Variants in CCDC171 observed in about 807,000 individuals in gnomAD.
CCDC171 encodes the protein coiled-coil domain-containing protein 171.
A neutral mutation model predicts 168.2 loss-of-function variants in CCDC171; 177 were observed. That is an observed-to-expected ratio of 1.05 (90% CI 0.93 to 1.19). The LOEUF (loss-of-function observed/expected upper bound fraction) is 1.19. Among genes scored for constraint, CCDC171 ranks in the 50% most tolerant of loss-of-function variants. The pLI is 0.00. For missense variants in CCDC171, 1,991 were observed against 1,539.0 expected, an observed-to-expected ratio of 1.29 and a Z score of -4.91; for synonymous variants, 687 against 540.8, an observed-to-expected ratio of 1.27 and a Z score of -3.75.
At chr9:15,951,627 T>C (rs1042052529) in intron 25 of CCDC171, among the ~76,000 whole-genome samples, 1 of 152,156 alleles carries the variant, frequency 6.6e-6, no homozygotes, top group Non-Finnish European at 1.5e-5. Flanking sequence ...TGATTAGTGA[T>C]GTTGAGCATC....
the CCDC171 span, among the ~76,000 whole-genome samples, chr9:16,098,491 C>T: frequency 1.3e-5 from 2 of 152,220 alleles, no homozygotes; most frequent in African/African-American, 4.8e-5. Context: ...CTTTGGTCCA[C>T]ACTCTTGAGT....
chr9:16,106,779 G>T, the CCDC171 span, among the ~76,000 whole-genome samples: 1 of 152,094 alleles, frequency 6.6e-6, no homozygotes, highest in Non-Finnish European at 1.5e-5. Context: ...AAATGCTAGA[G>T]AATTTAATCT....
At chr9:15,665,677 A>G (rs1442666756) in intron 8 of CCDC171, among the ~76,000 whole-genome samples, 2 of 152,180 alleles carry the variant, frequency 1.3e-5, no homozygotes, top group African/African-American at 4.8e-5. Flanking sequence ...GCTACTTGAG[A>G]AGCTGAGGTG....
chr9:15,905,128 AC>A (rs2131704640), intron 24 of CCDC171, among the ~76,000 whole-genome samples: 1 of 152,378 alleles, frequency 6.6e-6, no homozygotes, highest in African/African-American at 2.4e-5. Context: ...CAGAAAGTTA[AC>A]AAAGATATCC....
chr9:15,571,656 T>C lies in CCDC171; in HGVS notation c.74T>C (p.Ile25Thr). ...ATTGCCTCATTGGATGTAAAACAAA[T>C]ACTTAAAAATGAAACAGAGTTGGAT... ...LKIASLDVKQ[I>T]LKNETELDIT... The change falls in exon 3 of 26, where the codon ATA becomes ACA. Residue 25 changes from isoleucine (I) to threonine (T), a missense_variant. Coordinates refer to ENST00000380701, the MANE Select transcript of CCDC171 (RefSeq NM_173550.4). 34 of 1,567,870 alleles carry C rather than the reference T, an allele frequency of 2.2e-5. No homozygotes were observed. Among genetic ancestry groups the C allele is most frequent in the Non-Finnish European group, 2.9e-5 (34 of 1,164,420 alleles).
At chr9:15,620,897 A>G (rs2044449757) in intron 6 of CCDC171, among the ~76,000 whole-genome samples, 1 of 152,184 alleles carries the variant, frequency 6.6e-6, no homozygotes, top group African/African-American at 2.4e-5. Flanking sequence ...TTCCACCATT[A>G]AAGATGATGA....
chr9:15,675,155 C>G (rs929452450), intron 9 of CCDC171, among the ~76,000 whole-genome samples: 1 of 126,870 alleles, frequency 7.9e-6, no homozygotes, highest in African/African-American at 2.9e-5. Context: ...AGTTTAAAGT[C>G]TGTTTTATCA....
intron 25 of CCDC171, among the ~76,000 whole-genome samples, chr9:15,947,682 T>G (rs918015562): frequency 2.0e-5 from 3 of 152,048 alleles, no homozygotes. Context: ...TATACAAATA[T>G]CTCTTCAAGA....
At chr9:15,583,198 C>T (rs1413042504) in intron 4 of CCDC171, among the ~76,000 whole-genome samples, 1 of 151,898 alleles carries the variant, frequency 6.6e-6, no homozygotes, top group Non-Finnish European at 1.5e-5. Context: ...GGGCAGATCA[C>T]CAGGTCAAGA....
At chr9:15,565,281 A>T (rs2039643076) in intron 2 of CCDC171, among the ~76,000 whole-genome samples, 1 of 152,044 alleles carries the variant, frequency 6.6e-6, no homozygotes, top group African/African-American at 2.4e-5. Flanking sequence ...TACAAATTAG[A>T]ATATTTCACC....
At chr9:16,080,197 A>G in the CCDC171 span, among the ~76,000 whole-genome samples, 5 of 152,186 alleles carry the variant, frequency 3.3e-5, no homozygotes, top group African/African-American at 9.7e-5. Context: ...CAACATCACT[A>G]TTAATTACCT....
chr9:15,974,874 T>G (rs996940755), downstream of CCDC171, among the ~76,000 whole-genome samples: 1 of 152,170 alleles, frequency 6.6e-6, no homozygotes, highest in African/African-American at 2.4e-5. Flanking sequence ...CATTTACCAG[T>G]TGTCTGAATT....
Position 15,747,747 on chromosome 9 carries a change from A to G in CCDC171, c.2671+2116A>G, listed in dbSNP as rs562463891. Among the ~76,000 whole-genome samples, 25 of 152,348 alleles carry G rather than the reference A, an allele frequency of 1.6e-4. No individual in the cohort carries two copies. The South Asian group carries it at 5.2e-3, about 32-fold the overall frequency. On this transcript the variant is annotated intron_variant, in intron 18 of 25. Coordinates refer to ENST00000380701, the MANE Select transcript of CCDC171 (RefSeq NM_173550.4). ...CACACCAAAACCTCATCTGTAAGTC[A>G]CCAACATCAAAGACCAAAGATAGAT...
chr9:15,960,174 T>C (rs1275908751), intron 25 of CCDC171, among the ~76,000 whole-genome samples: 1 of 152,192 alleles, frequency 6.6e-6, no homozygotes, highest in East Asian at 1.9e-4. Context: ...ATCAAAGCTT[T>C]TCCTATAAAA....
At chr9:15,950,706 C>T (rs1193594252) in intron 25 of CCDC171, among the ~76,000 whole-genome samples, 1 of 151,942 alleles carries the variant, frequency 6.6e-6, no homozygotes, top group Non-Finnish European at 1.5e-5. Flanking sequence ...TAGGAAGACA[C>T]TGCATGAACT....
intron 6 of CCDC171, among the ~76,000 whole-genome samples, chr9:16,031,135 T>A (rs1169308663): frequency 6.6e-6 from 1 of 152,164 alleles, no homozygotes. Context: ...GGTTGGGGGC[T>A]TAGGTTTAAG....
intron 1 of CCDC171, among the ~76,000 whole-genome samples, chr9:15,562,047 T>G (rs1166085121): frequency 6.6e-6 from 1 of 151,946 alleles, no homozygotes; most frequent in African/African-American, 2.4e-5. Context: ...CAGGCTGGAG[T>G]GCAGTGGCGC....
At chr9:15,639,148 T>C (rs892220261) in intron 7 of CCDC171, among the ~76,000 whole-genome samples, 24 of 152,068 alleles carry the variant, frequency 1.6e-4, no homozygotes, top group Non-Finnish European at 2.8e-4. Context: ...CTTTCATAAT[T>C]GTTGATAAAG....
chr9:16,101,423 C>T, the CCDC171 span, among the ~76,000 whole-genome samples: 3 of 152,146 alleles, frequency 2.0e-5, no homozygotes, highest in African/African-American at 7.2e-5. Flanking sequence ...CCCCAGTGAC[C>T]CTCCCTCTGG....
Sources: allele counts gnomAD v4.1 joint callset (sites outside exome capture counted in the v4.1 genomes callset), GRCh38; gene constraint gnomAD v4.1.1; transcripts MANE v1.5; gene names NCBI Gene and HGNC (gene_info 2026-07-23, HGNC 2026-07-21).